FBXO36: variants seen among roughly 807,000 people sequenced by gnomAD.
FBXO36 encodes F-box only protein 36.
Under a neutral mutation model 17.0 loss-of-function variants are expected in FBXO36, and 18 were observed. The observed-to-expected ratio is 1.06, with a 90% confidence interval of 0.73 to 1.57. The LOEUF is 1.57. Among genes scored for constraint, FBXO36 ranks in the 40% most tolerant of loss-of-function variants. FBXO36 has a pLI of 0.00. For synonymous variants in FBXO36, 83 were observed against 85.3 expected, an observed-to-expected ratio of 0.97 and a Z score of 0.15; for missense variants, 229 against 221.9, an observed-to-expected ratio of 1.03 and a Z score of -0.20.
At chr2:229,937,147 A>C (rs924448084) in intron 1 of FBXO36, among the ~76,000 whole-genome samples, 2 of 152,164 alleles carry the variant, frequency 1.3e-5, no homozygotes, top group African/African-American at 4.8e-5. Flanking sequence ...TGTAAGAAAA[A>C]AAGTGTCCCA....
chr2:230,001,555 TG>T (rs749734854), intron 3 of FBXO36, among the ~76,000 whole-genome samples: 5 of 152,220 alleles, frequency 3.3e-5, no homozygotes, highest in Non-Finnish European at 7.3e-5. Flanking sequence ...CCCAAAGTGC[TG>T]GGATTGCAGG....
chr2:229,987,405 T>C (rs774403390), intron 2 of FBXO36, among the ~76,000 whole-genome samples: 2 of 152,100 alleles, frequency 1.3e-5, no homozygotes, highest in Non-Finnish European at 2.9e-5. Flanking sequence ...AATTTACATT[T>C]TCTCTAATTT....
intron 1 of FBXO36, among the ~76,000 whole-genome samples, chr2:229,949,066 C>G (rs977544236): frequency 6.6e-6 from 1 of 152,176 alleles, no homozygotes; most frequent in Non-Finnish European, 1.5e-5. Context: ...AACTCCTGAC[C>G]TCGTGATCCG....
intron 1 of FBXO36, among the ~76,000 whole-genome samples, chr2:229,972,076 C>A (rs556247410): frequency 6.6e-6 from 1 of 150,898 alleles, no homozygotes; most frequent in East Asian, 1.9e-4. Flanking sequence ...TCACTGCAAC[C>A]TCCGCCTCCT....
At chr2:230,010,293 CATAG>C (rs1360258558) in intron 3 of FBXO36, among the ~76,000 whole-genome samples, 2 of 152,074 alleles carry the variant, frequency 1.3e-5, no homozygotes, top group Non-Finnish European at 2.9e-5. Flanking sequence ...TAAATACATA[CATAG>C]ATAAATAGAG....
chr2:229,935,083 A>T (rs2076957475), intron 1 of FBXO36, among the ~76,000 whole-genome samples: 1 of 152,226 alleles, frequency 6.6e-6, no homozygotes, highest in Non-Finnish European at 1.5e-5. Context: ...TAACGTCTTA[A>T]CTTGTGCCTC....
intron 1 of FBXO36, among the ~76,000 whole-genome samples, chr2:229,971,715 G>T (rs1290939762): frequency 6.6e-6 from 1 of 151,852 alleles, no homozygotes; most frequent in Admixed American, 6.6e-5. Flanking sequence ...TTGAGATAAG[G>T]TCTCATTTTT....
intron 2 of FBXO36, among the ~76,000 whole-genome samples, chr2:229,989,206 C>A (rs1020238406): frequency 6.6e-6 from 1 of 152,108 alleles, no homozygotes; most frequent in Non-Finnish European, 1.5e-5. Flanking sequence ...ACATTCAGAT[C>A]ATTTTGTGGT....
intron 1 of FBXO36, among the ~76,000 whole-genome samples, chr2:229,929,245 T>C (rs1040299100): frequency 1.3e-5 from 2 of 152,026 alleles, no homozygotes; most frequent in African/African-American, 4.8e-5. Flanking sequence ...CTTTTTCTTT[T>C]TAATATAAGT....
chr2:229,925,027 G>C (rs142206739), intron 1 of FBXO36, among the ~76,000 whole-genome samples: 3 of 151,834 alleles, frequency 2.0e-5, no homozygotes, highest in Non-Finnish European at 4.4e-5. Context: ...ACCGCGCCCG[G>C]CCCTAACTAC....
intron 2 of FBXO36, among the ~76,000 whole-genome samples, chr2:229,982,399 CGTGGT>C (rs1277329582): frequency 6.6e-6 from 1 of 152,076 alleles, no homozygotes; most frequent in Non-Finnish European, 1.5e-5. Flanking sequence ...ACCTTGCCTC[CGTGGT>C]CATGTCTCCT....
At chr2:230,006,102 TTA>T (rs1456562708) in intron 3 of FBXO36, among the ~76,000 whole-genome samples, 6 of 148,166 alleles carry the variant, frequency 4.0e-5, no homozygotes, top group Non-Finnish European at 7.4e-5. Context: ...TTATTTTATT[TTA>T]GTTTTTTTTT....
At chr2:229,963,849 T>C (rs569348676) in intron 1 of FBXO36, among the ~76,000 whole-genome samples, 1 of 152,340 alleles carries the variant, frequency 6.6e-6, no homozygotes, top group East Asian at 1.9e-4. Flanking sequence ...TATTAGATTA[T>C]GCCAAATTTC....
chr2:229,997,654 T>C (rs567024951), intron 3 of FBXO36, among the ~76,000 whole-genome samples: 41 of 151,960 alleles, frequency 2.7e-4, no homozygotes, highest in Non-Finnish European at 5.0e-4. Flanking sequence ...CTTCTAGTAA[T>C]AGCCTTTGCT....
chr2:229,946,267 C>T lies in FBXO36; in HGVS notation c.96+23658C>T, dbSNP rs1031718408. ...AAGCCTCTGCAGCATAGTTTATGCT[C>T]GTCCTACCCCCTTGTAAAAATTATC... On this transcript the variant is annotated intron_variant, in intron 1 of 3. Coordinates refer to ENST00000283946, the MANE Select transcript of FBXO36 (RefSeq NM_174899.5). 6.4e-4 allele frequency among the ~76,000 whole-genome samples: 98 copies of T among 152,268 alleles called. 2 individuals are homozygous for T. The highest frequency in any genetic ancestry group is 2.2e-3 in the African/African-American group (91 of 41,558).
intron 3 of FBXO36, among the ~76,000 whole-genome samples, chr2:230,002,533 G>A (rs544912194): frequency 2.0e-3 from 297 of 152,076 alleles, no homozygotes; most frequent in African/African-American, 6.4e-3. Flanking sequence ...ACAGGCCTGC[G>A]CCACCATACC....
intron 2 of FBXO36, among the ~76,000 whole-genome samples, chr2:229,993,783 T>A (rs895652608): frequency 3.3e-4 from 49 of 149,700 alleles, no homozygotes; most frequent in African/African-American, 1.2e-3. Context: ...TTATTTATTT[T>A]TGGCAGGGAC....
At chr2:229,976,459 A>G in intron 2 of FBXO36, 110 bp downstream of exon 2, 1 of 718,038 alleles carries the variant, frequency 1.4e-6, no homozygotes, top group Non-Finnish European at 2.4e-6. Context: ...ATATGCAGTT[A>G]TGTACTTACA....
chr2:229,944,282 A>G (rs1023623355), intron 1 of FBXO36, among the ~76,000 whole-genome samples: 2 of 152,200 alleles, frequency 1.3e-5, no homozygotes, highest in African/African-American at 4.8e-5. Flanking sequence ...ATGAAACCTA[A>G]GGTAAAATAA....
Sources: gnomAD v4.1 joint callset for allele counts (sites outside exome capture counted in the v4.1 genomes callset) on GRCh38, gnomAD v4.1.1 for gene constraint, MANE v1.5 for transcripts, NCBI Gene and HGNC (gene_info 2026-07-23, HGNC 2026-07-21) for gene names.